The following WDFY1 variants were observed in gnomAD, a reference collection of about 807,000 sequenced individuals.
WDFY1 encodes the protein WD repeat and FYVE domain-containing protein 1.
In WDFY1, 32 loss-of-function variants were observed where a neutral mutation model predicts 56.4. The observed-to-expected ratio is 0.57, with a 90% CI of 0.43 to 0.76. The LOEUF is 0.76. Ranked by LOEUF, WDFY1 falls within the 30% of genes least tolerant of loss-of-function variation. WDFY1 has a pLI of 0.00. For synonymous variants in WDFY1, 192 were observed against 197.3 expected, an observed-to-expected ratio of 0.97 and a Z score of 0.23; for missense variants, 480 against 545.7, an observed-to-expected ratio of 0.88 and a Z score of 1.20.
chr2:223,896,169 A>AAAAAAAAAAAC (rs1693370645), intron 6 of WDFY1, among the ~76,000 whole-genome samples: 1 of 146,342 alleles, frequency 6.8e-6, no homozygotes, highest in Non-Finnish European at 1.5e-5. Context: ...AAAAAAAAAA[A>AAAAAAAAAAAC]AAAAAAAAAA....
intron 4 of WDFY1, among the ~76,000 whole-genome samples, chr2:223,905,698 A>C (rs961569713): frequency 3.3e-5 from 5 of 152,218 alleles, no homozygotes; most frequent in African/African-American, 1.2e-4. Context: ...AAAAAATGGA[A>C]GCAGTACACA....
chr2:223,940,567 T>C (rs1689284120), intron 1 of WDFY1, among the ~76,000 whole-genome samples: 1 of 152,148 alleles, frequency 6.6e-6, no homozygotes, highest in Non-Finnish European at 1.5e-5. Context: ...CAAATTCCGA[T>C]CATATCATTT....
At chr2:223,907,266 C>T (rs1192929099) in intron 3 of WDFY1, among the ~76,000 whole-genome samples, 2 of 152,088 alleles carry the variant, frequency 1.3e-5, no homozygotes, top group East Asian at 1.9e-4. Flanking sequence ...CATGAGCCAC[C>T]GTGCCCAGCC....
intron 1 of WDFY1, among the ~76,000 whole-genome samples, chr2:223,942,146 G>A (rs571876933): frequency 2.4e-4 from 36 of 152,076 alleles, no homozygotes; most frequent in Admixed American, 3.9e-4. Flanking sequence ...CTCCTGACCA[G>A]CAATCTCAAA....
intron 6 of WDFY1, among the ~76,000 whole-genome samples, 160 bp from the exon 7 acceptor site, chr2:223,895,790 A>G (rs1693357438): frequency 6.6e-6 from 1 of 152,174 alleles, no homozygotes; most frequent in Non-Finnish European, 1.5e-5. Flanking sequence ...TCATTCAACC[A>G]TGCTATCATG....
rs1693800096 is a variant in WDFY1, at chr2:223,917,071, C to T, written c.205+872G>A. ...TCAGGTGATCCGCCCGCCTTGGCCTCCCAAAGTGCTGGGATTACGGGCATG... is the reference window on the plus strand; with the variant it reads ...TCAGGTGATCCGCCCGCCTTGGCCTTCCAAAGTGCTGGGATTACGGGCATG... On this transcript the variant is annotated intron_variant, in intron 2 of 11. Coordinates refer to ENST00000233055, the MANE Select transcript of WDFY1 (RefSeq NM_020830.5). Among the ~76,000 whole-genome samples, 5 of 152,076 alleles carry T rather than the reference C, an allele frequency of 3.3e-5. No individual in the cohort carries two copies. The South Asian group carries it at 1.0e-3, about 32-fold the overall frequency.
At position 223,876,855 on chromosome 2, in the gene WDFY1, C is replaced by T. The variant is rs1186209780; in HGVS notation, c.*1816G>A. On this transcript the variant is annotated 3_prime_UTR_variant, in exon 12 of 12. Transcript: ENST00000233055. The stretch of plus-strand genomic sequence containing the variant: ...AATTCATAAAATCCCTAGGATAGCA[C>T]CTTTGTATGGGCTGAACCATTAACT... 6.6e-6 allele frequency: 1 copy of T among 152,154 alleles called. No homozygotes were observed. Among genetic ancestry groups the T allele is most frequent in the Non-Finnish European group, 1.5e-5 (1 of 68,024 alleles). The allele number at this position is 152,154 out of a possible 1,614,324, so 9.4% of individuals were successfully genotyped here.
At chr2:223,885,175 T>G (rs1236810315) in intron 8 of WDFY1, among the ~76,000 whole-genome samples, 1 of 151,930 alleles carries the variant, frequency 6.6e-6, no homozygotes, top group Admixed American at 6.6e-5. Context: ...TATTCAATAT[T>G]ATGTTTAATT....
At chr2:223,901,884 A>G (rs1010568447) in intron 4 of WDFY1, among the ~76,000 whole-genome samples, 2 of 152,222 alleles carry the variant, frequency 1.3e-5, no homozygotes, top group African/African-American at 4.8e-5. Flanking sequence ...ATTATTTACA[A>G]AGACAAAGCT....
intron 1 of WDFY1, among the ~76,000 whole-genome samples, chr2:223,920,215 A>C (rs1269727473): frequency 1.3e-5 from 2 of 152,252 alleles, no homozygotes; most frequent in African/African-American, 4.8e-5. Context: ...ATCTTTAAGA[A>C]GCATCAGCAG....
In WDFY1 at chr2:223,889,870, CAT is replaced by C. The variant is rs574319151; in HGVS notation, c.831+4362_831+4363del. On this transcript the variant is annotated intron_variant, in intron 8 of 11. Transcript: ENST00000233055. ...AGTCCAGGCAATGTGCCAAGTGTTTCATGTTTTTTTATTCTACTTAATTTTCA... is the reference window on the plus strand; with the variant it reads ...AGTCCAGGCAATGTGCCAAGTGTTTCGTTTTTTTATTCTACTTAATTTTCA... Among the ~76,000 whole-genome samples, 15 of 152,296 alleles carry C rather than the reference CAT, an allele frequency of 9.8e-5. No individual in the cohort carries two copies. The East Asian group carries it at 2.7e-3, about 27-fold the overall frequency.
rs762575354 is a variant in WDFY1, at chr2:223,895,649, G to C, written c.599-19C>G. ...ACACTACCTAGGGATTTGTGAGAGAGAGAGAGAGAGGGAGGCAGGGGAGAA... is the reference window on the plus strand; with the variant it reads ...ACACTACCTAGGGATTTGTGAGAGACAGAGAGAGAGGGAGGCAGGGGAGAA... On this transcript the variant is annotated intron_variant, in intron 6 of 11. Coordinates refer to ENST00000233055, the MANE Select transcript of WDFY1 (RefSeq NM_020830.5). 2 of 1,613,250 alleles carry C rather than the reference G, an allele frequency of 1.2e-6. No homozygotes were observed. Among genetic ancestry groups the C allele is most frequent in the South Asian group, 2.2e-5 (2 of 91,026 alleles).
intron 1 of WDFY1, among the ~76,000 whole-genome samples, chr2:223,935,988 AC>A (rs1487253351): frequency 6.6e-6 from 1 of 151,968 alleles, no homozygotes; most frequent in Non-Finnish European, 1.5e-5. Context: ...ACACAAAAGA[AC>A]CATAATAAAT....
In WDFY1 at chr2:223,883,722, C is replaced by T. The variant is rs111249014; in HGVS notation, c.933+926G>A. 6.6e-3 allele frequency among the ~76,000 whole-genome samples: 1,002 copies of T among 152,168 alleles called. 5 individuals carry two copies. The highest frequency in any genetic ancestry group is 0.022 in the African/African-American group (923 of 41,532). ...GTGCAGTGGCGTGATCTTGGCTCAC[C>T]GCAACCTCCGCTTCCTGGGTTCAAG... On this transcript the variant is annotated intron_variant, in intron 9 of 11. Transcript: ENST00000233055.
chr2:223,910,123 T>A (rs1693669394), intron 3 of WDFY1, among the ~76,000 whole-genome samples: 1 of 151,304 alleles, frequency 6.6e-6, no homozygotes, highest in Non-Finnish European at 1.5e-5. Flanking sequence ...GCTGGCTCTG[T>A]GACAAAGATG....
chr2:223,940,337 T>A (rs1172234274), intron 1 of WDFY1, among the ~76,000 whole-genome samples: 1 of 152,072 alleles, frequency 6.6e-6, no homozygotes, highest in African/African-American at 2.4e-5. Flanking sequence ...AGGCCAAATT[T>A]TAGCACCAAA....
Position 223,915,063 on chromosome 2 carries a change from CTAAATT to C in WDFY1, c.206-2743_206-2738del, listed in dbSNP as rs1693765007. 7.2e-5 allele frequency among the ~76,000 whole-genome samples: 11 copies of C among 152,252 alleles called. No homozygotes were observed. The South Asian group carries it at 2.3e-3, about 32-fold the overall frequency. On this transcript the variant is annotated intron_variant, in intron 2 of 11. Transcript: ENST00000233055. Reference sequence around the variant, plus strand: ...AACATGGCATCCTTCTTTTTGTATCCTAAATTTAATTTTGAAATAAAAAGTCATTCT... The same window carrying C: ...AACATGGCATCCTTCTTTTTGTATCCTAATTTTGAAATAAAAAGTCATTCT...
intron 8 of WDFY1, among the ~76,000 whole-genome samples, chr2:223,889,916 C>T (rs992223545): frequency 5.3e-5 from 8 of 152,066 alleles, no homozygotes; most frequent in Non-Finnish European, 8.8e-5. Flanking sequence ...TAGGAGATAC[C>T]GAGCAACACT....
chr2:223,897,428 G>C (rs1448703837), intron 6 of WDFY1, among the ~76,000 whole-genome samples: 1 of 141,370 alleles, frequency 7.1e-6, no homozygotes, highest in African/African-American at 2.6e-5. Flanking sequence ...ACCCAGGTTG[G>C]AGTGCAATGG....
Sources: allele counts gnomAD v4.1 joint callset (sites outside exome capture counted in the v4.1 genomes callset), GRCh38; gene constraint gnomAD v4.1.1; transcripts MANE v1.5; gene names NCBI Gene and HGNC (gene_info 2026-07-23, HGNC 2026-07-21).